The following TMTC1 variants were observed in gnomAD, a reference collection of about 807,000 sequenced individuals.
The protein encoded by TMTC1 is protein O-mannosyl-transferase TMTC1.
Under a neutral mutation model 104.8 loss-of-function variants are expected in TMTC1, and 73 were observed. The observed-to-expected ratio is 0.70, with a 90% confidence interval of 0.58 to 0.85. The LOEUF is 0.85. TMTC1 is among the 40% of genes least tolerant of loss of function. TMTC1 has a pLI of 0.00. For missense variants in TMTC1, 1,035 were observed against 1,096.1 expected, an observed-to-expected ratio of 0.94 and a Z score of 0.79; for synonymous variants, 434 against 428.7, an observed-to-expected ratio of 1.01 and a Z score of -0.15.
At chr12:29,661,362 C>A (rs1184927861) in intron 5 of TMTC1, 4 of 979,522 alleles carry the variant, frequency 4.1e-6, no homozygotes, top group Non-Finnish European at 2.4e-6. Context: ...CACAAAATAC[C>A]TCACAGATCT....
chr12:29,729,039 T>A (rs1038156628), intron 5 of TMTC1, among the ~76,000 whole-genome samples: 4 of 149,396 alleles, frequency 2.7e-5, no homozygotes, highest in African/African-American at 9.8e-5. Flanking sequence ...AACCACAGGT[T>A]AACTCTTCCA....
chr12:29,707,440 G>A (rs1049576516), intron 5 of TMTC1, among the ~76,000 whole-genome samples: 4 of 152,036 alleles, frequency 2.6e-5, no homozygotes, highest in Admixed American at 1.3e-4. Context: ...CATCTCCCCC[G>A]CCTCTGCTCT....
At chr12:29,595,446 T>C (rs1350064613) in intron 7 of TMTC1, among the ~76,000 whole-genome samples, 1 of 152,216 alleles carries the variant, frequency 6.6e-6, no homozygotes, top group Non-Finnish European at 1.5e-5. Flanking sequence ...TTTGGTAGAA[T>C]CCCTCAGCAA....
chr12:29,574,747 T>C (rs538722892), intron 8 of TMTC1, among the ~76,000 whole-genome samples: 1 of 152,352 alleles, frequency 6.6e-6, no homozygotes, highest in South Asian at 2.1e-4. Context: ...GGCCTCACCC[T>C]TGTGACCACA....
intron 17 of TMTC1, among the ~76,000 whole-genome samples, chr12:29,509,832 C>G (rs1181692014): frequency 6.6e-6 from 1 of 152,208 alleles, no homozygotes; most frequent in Non-Finnish European, 1.5e-5. Flanking sequence ...TCTTTAATCT[C>G]TAGACACTTT....
intron 6 of TMTC1, among the ~76,000 whole-genome samples, chr12:29,627,258 A>T (rs1938049011): frequency 6.6e-6 from 1 of 152,206 alleles, no homozygotes; most frequent in Admixed American, 6.5e-5. Context: ...TTTACAACTC[A>T]ACAACAAAAA....
intron 7 of TMTC1, among the ~76,000 whole-genome samples, chr12:29,586,838 A>T (rs1324598247): frequency 6.6e-6 from 1 of 151,456 alleles, no homozygotes; most frequent in Non-Finnish European, 1.5e-5. Flanking sequence ...TCGGTTTGCC[A>T]GTATTTTATT....
chr12:29,612,179 C>T (rs1946862483), intron 6 of TMTC1, among the ~76,000 whole-genome samples: 2 of 152,230 alleles, frequency 1.3e-5, no homozygotes, highest in African/African-American at 2.4e-5. Flanking sequence ...AGCAGAAACA[C>T]ACTGACGGCA....
At chr12:29,545,534 G>A (rs914190972) in intron 10 of TMTC1, among the ~76,000 whole-genome samples, 1 of 151,866 alleles carries the variant, frequency 6.6e-6, no homozygotes, top group African/African-American at 2.4e-5. Flanking sequence ...CAGCTACTCA[G>A]GAGGCTGAGG....
At chr12:29,782,140 T>TGGGAAACG (rs1340489915) in intron 1 of TMTC1, among the ~76,000 whole-genome samples, 1 of 152,232 alleles carries the variant, frequency 6.6e-6, no homozygotes, top group African/African-American at 2.4e-5. Context: ...AAGAAACATC[T>TGGGAAACG]GGGAAACTGA....
intron 5 of TMTC1, among the ~76,000 whole-genome samples, chr12:29,683,845 A>ATT (rs57599919): frequency 2.2e-4 from 31 of 141,032 alleles, no homozygotes; most frequent in Admixed American, 5.1e-4. Flanking sequence ...ATTTCCTATC[A>ATT]TTTTTTTTTT....
intron 7 of TMTC1, among the ~76,000 whole-genome samples, chr12:29,600,034 A>T (rs956082223): frequency 7.1e-6 from 1 of 141,180 alleles, no homozygotes; most frequent in Non-Finnish European, 1.5e-5. Flanking sequence ...CCCTCAAAAG[A>T]GCCTGGATAC....
intron 10 of TMTC1, among the ~76,000 whole-genome samples, chr12:29,554,478 A>C (rs1167891038): frequency 6.6e-6 from 1 of 152,146 alleles, no homozygotes; most frequent in Non-Finnish European, 1.5e-5. Context: ...AGCAAGACTA[A>C]AAGTAAGAAA....
At chr12:29,713,905 G>T (rs1234772025) in intron 5 of TMTC1, among the ~76,000 whole-genome samples, 1 of 152,074 alleles carries the variant, frequency 6.6e-6, no homozygotes, top group Non-Finnish European at 1.5e-5. Context: ...TCATGAGGGT[G>T]GGGCCCTCAT....
intron 10 of TMTC1, among the ~76,000 whole-genome samples, chr12:29,542,246 C>T (rs1413115693): frequency 6.6e-6 from 1 of 151,934 alleles, no homozygotes; most frequent in Non-Finnish European, 1.5e-5. Context: ...ACTCTGAATC[C>T]CTTTAAGAAC....
intron 5 of TMTC1, among the ~76,000 whole-genome samples, chr12:29,658,186 T>C (rs1939848071): frequency 6.6e-6 from 1 of 151,942 alleles, no homozygotes; most frequent in Non-Finnish European, 1.5e-5. Flanking sequence ...AAATGCCCCA[T>C]AGATCAAGAT....
intron 8 of TMTC1, among the ~76,000 whole-genome samples, chr12:29,575,192 G>A (rs1228784297): frequency 6.6e-6 from 1 of 152,040 alleles, no homozygotes; most frequent in East Asian, 1.9e-4. Flanking sequence ...GGTGGCAGGG[G>A]GAATGATAAA....
At chr12:29,679,802 A>T (rs1245283539) in intron 5 of TMTC1, among the ~76,000 whole-genome samples, 4 of 152,170 alleles carry the variant, frequency 2.6e-5, no homozygotes, top group Non-Finnish European at 5.9e-5. Flanking sequence ...AGACCTCAGG[A>T]CTAGAGAGAC....
chr12:29,663,440 A>G (rs1365700901), intron 5 of TMTC1, among the ~76,000 whole-genome samples: 1 of 152,182 alleles, frequency 6.6e-6, no homozygotes, highest in African/African-American at 2.4e-5. Context: ...TTATTTTAAC[A>G]TAGTGGAAAA....
Sources: gnomAD v4.1 joint callset for allele counts (sites outside exome capture counted in the v4.1 genomes callset) on GRCh38, gnomAD v4.1.1 for gene constraint, MANE v1.5 for transcripts, NCBI Gene and HGNC (gene_info 2026-07-23, HGNC 2026-07-21) for gene names.